EBF4: variants seen among roughly 807,000 people sequenced by gnomAD.
The protein encoded by EBF4 is EBF transcription factor 4, also known as transcription factor COE4.
A neutral mutation model predicts 67.1 loss-of-function variants in EBF4; 34 were observed. That is an observed-to-expected ratio of 0.51 (90% CI 0.39 to 0.67). EBF4 has a LOEUF of 0.67. Ranked by LOEUF, EBF4 falls within the 30% of genes least tolerant of loss-of-function variation. The pLI, the probability that EBF4 is intolerant of heterozygous loss-of-function variation, is 0.00. For missense variants in EBF4, 837 were observed against 873.3 expected (o/e 0.96, Z 0.52); for synonymous variants, 387 against 377.7 (o/e 1.02, Z -0.29).
Position 2,709,562 on chromosome 20 carries a change from T to C in EBF4, c.489-12T>C. ...GGCTTCTGCCTTCCCTCCTTCCTCATCTTTCCTTCAGCCGGTGCTGTGACC... is the reference window on the plus strand; with the variant it reads ...GGCTTCTGCCTTCCCTCCTTCCTCACCTTTCCTTCAGCCGGTGCTGTGACC... On this transcript the variant is annotated splice_polypyrimidine_tract_variant and intron_variant, in intron 5 of 16. Coordinates refer to ENST00000609451, the Ensembl canonical transcript of EBF4. 1.9e-6 allele frequency: 3 copies of C among 1,548,036 alleles called. No homozygotes were observed. Among genetic ancestry groups the C allele is most frequent in the Non-Finnish European group, 2.6e-6 (3 of 1,144,826 alleles).
At chr20:2,698,657 G>T (rs934849042) in intron 1 of EBF4, among the ~76,000 whole-genome samples, 2 of 152,178 alleles carry the variant, frequency 1.3e-5, no homozygotes, top group Admixed American at 1.3e-4. Flanking sequence ...GGGGAAATCT[G>T]CGAAAAGGGA....
chr20:2,696,170 G>A lies in EBF4; in HGVS notation c.137+2388G>A, dbSNP rs1358418397. 6.6e-6 allele frequency among the ~76,000 whole-genome samples: 1 copy of A among 152,124 alleles called. No individual in the cohort carries two copies. The highest frequency in any genetic ancestry group is 1.5e-5 in the Non-Finnish European group (1 of 68,022). On this transcript the variant is annotated intron_variant, in intron 1 of 16. Transcript: ENST00000609451. This position sits in a 1 kb window ranked among gnomAD's most constrained non-coding sequence, Gnocchi z 4.7. ...CTTTTTTAAGATCATGTCTCTCTCC[G>A]ATTACAAATAAAGTGACCAGGCTGG...
upstream of EBF4, chr20:2,693,253 C>G (rs1484992797): frequency 6.4e-6 from 1 of 156,666 alleles, no homozygotes; most frequent in Non-Finnish European, 1.4e-5. The surrounding 1 kb of genome is among the most constrained non-coding windows in gnomAD (Gnocchi z 4.6). Flanking sequence ...TTGCCCGAGG[C>G]AGCTCCCGGG....
chr20:2,703,818 G>T (rs568554269), intron 1 of EBF4, among the ~76,000 whole-genome samples: 8 of 152,320 alleles, frequency 5.3e-5, no homozygotes, highest in Admixed American at 5.2e-4. Flanking sequence ...AGACTAGCCT[G>T]GTGGTTCTGG....
At chr20:2,742,658 G>A (rs2087985377) in intron 6 of EBF4, among the ~76,000 whole-genome samples, 1 of 152,124 alleles carries the variant, frequency 6.6e-6, no homozygotes, top group African/African-American at 2.4e-5. Context: ...AGGTCAGAGA[G>A]GGCTGTGGAC....
chr20:2,703,395 C>T (rs982971592), intron 1 of EBF4, among the ~76,000 whole-genome samples: 2 of 151,834 alleles, frequency 1.3e-5, no homozygotes, highest in African/African-American at 2.4e-5. Flanking sequence ...ATGATCACGC[C>T]ACTGCACTCC....
intron 6 of EBF4, among the ~76,000 whole-genome samples, chr20:2,722,116 A>C (rs2087689121): frequency 6.6e-6 from 1 of 151,860 alleles, no homozygotes; most frequent in South Asian, 2.1e-4. Context: ...TCCAGGTTGG[A>C]CTTGAAATCC....
chr20:2,753,049 G>T (rs944853238), intron 14 of EBF4, among the ~76,000 whole-genome samples: 2 of 152,264 alleles, frequency 1.3e-5, no homozygotes, highest in Non-Finnish European at 2.9e-5. Context: ...CCGCGATGTC[G>T]TCCGGCAGAG....
intron 6 of EBF4, among the ~76,000 whole-genome samples, chr20:2,726,449 G>A (rs143469709): frequency 4.6e-4 from 70 of 152,174 alleles, no homozygotes; most frequent in African/African-American, 1.6e-3. Context: ...AGGGGTGATG[G>A]TGTACTCCTG....
chr20:2,700,900 C>G (rs1324425486), intron 1 of EBF4, among the ~76,000 whole-genome samples: 1 of 152,236 alleles, frequency 6.6e-6, no homozygotes, highest in Non-Finnish European at 1.5e-5. Context: ...CATGCTGTTC[C>G]TCGTGTCCTT....
intron 6 of EBF4, among the ~76,000 whole-genome samples, chr20:2,711,015 G>A (rs1234288921): frequency 6.6e-6 from 1 of 152,020 alleles, no homozygotes; most frequent in Non-Finnish European, 1.5e-5. Flanking sequence ...GGGCATGGTG[G>A]TGTACATCTG....
At position 2,751,607 on chromosome 20, in the gene EBF4, C is replaced by A; in HGVS notation, c.1019-93C>A. The A allele has an allele frequency of 7.5e-7, 1 of 1,327,140 alleles. No homozygotes were observed. Among genetic ancestry groups the A allele is most frequent in the Non-Finnish European group, 1.1e-6 (1 of 949,140 alleles). The allele number at this position is 1,327,140 out of a possible 1,614,324, so 82.2% of individuals were successfully genotyped here. ...AGGGGGCTGCAGCGAGGCTCTCGGA[C>A]TGGGCGCTGGCCTGCTTTTGGCGCC... On this transcript the variant is annotated intron_variant, in intron 10 of 16. Coordinates refer to ENST00000609451, the Ensembl canonical transcript of EBF4. This position sits in a 1 kb window ranked among gnomAD's most constrained non-coding sequence, Gnocchi z 5.2.
At chr20:2,733,180 C>A (rs58092118) in intron 6 of EBF4, among the ~76,000 whole-genome samples, 13 of 152,250 alleles carry the variant, frequency 8.5e-5, no homozygotes, top group Non-Finnish European at 4.4e-5. Context: ...GCTGGACATG[C>A]AATTTTTTGG....
intron 6 of EBF4, among the ~76,000 whole-genome samples, chr20:2,746,085 G>A (rs556834439): frequency 1.3e-5 from 2 of 152,294 alleles, no homozygotes; most frequent in Non-Finnish European, 2.9e-5. Flanking sequence ...TGAGTAGGGA[G>A]TCTATACTCT....
At chr20:2,749,009 A>C (rs1040904158) in intron 7 of EBF4, among the ~76,000 whole-genome samples, 1 of 152,130 alleles carries the variant, frequency 6.6e-6, no homozygotes, top group African/African-American at 2.4e-5. Context: ...TTCTCCCCAG[A>C]ATAGGGCAGG....
chr20:2,746,426 G>A (rs1044820002), intron 6 of EBF4, among the ~76,000 whole-genome samples: 2 of 152,114 alleles, frequency 1.3e-5, no homozygotes, highest in Non-Finnish European at 2.9e-5. Flanking sequence ...GGTGCCCACT[G>A]TGGGGGAACA....
intron 6 of EBF4, among the ~76,000 whole-genome samples, chr20:2,714,599 G>T (rs2146407454): frequency 6.6e-6 from 1 of 152,280 alleles, no homozygotes; most frequent in East Asian, 1.9e-4. Flanking sequence ...GAATTCTTCT[G>T]CCTTGGCCTC....
At chr20:2,712,240 C>T (rs2146401992) in intron 6 of EBF4, among the ~76,000 whole-genome samples, 1 of 152,216 alleles carries the variant, frequency 6.6e-6, no homozygotes, top group South Asian at 2.1e-4. Flanking sequence ...TTGACAATGA[C>T]CTGTACAAGG....
rs191454232 is a variant in EBF4 at position 2,737,199 on chromosome 20, G to T, written c.558-11350G>T. Among the ~76,000 whole-genome samples, 751 of 148,756 alleles carry T rather than the reference G, an allele frequency of 5.0e-3. 2 individuals carry two copies. Among genetic ancestry groups the T allele is most frequent in the Non-Finnish European group, 7.0e-3 (471 of 67,574 alleles). ...CGGGAGGCGGAGCTTGCAGTGAGCC[G>T]AGATCGCGCCACTGCACTCCAGCTT... On this transcript the variant is annotated intron_variant, in intron 6 of 16. Coordinates refer to ENST00000609451, the Ensembl canonical transcript of EBF4.
Sources: gnomAD v4.1 joint callset for allele counts (sites outside exome capture counted in the v4.1 genomes callset) on GRCh38, gnomAD v4.1.1 for gene constraint, Gnocchi (gnomAD v3.1) non-coding constraint, MANE v1.5 for transcripts, NCBI Gene and HGNC (gene_info 2026-07-23, HGNC 2026-07-21) for gene names.